Variants in TCF4 observed in about 807,000 individuals in gnomAD.
TCF4 encodes the protein transcription factor 4.
A neutral mutation model predicts 82.1 loss-of-function variants in TCF4; 3 were observed. The ratio of observed to expected loss-of-function variants is 0.04; its 90% CI spans 0.02 to 0.09. The LOEUF (loss-of-function observed/expected upper bound fraction) is 0.09, where lower values mean the gene tolerates loss of function less well. Ranked by LOEUF, TCF4 falls within the 10% of genes least tolerant of loss-of-function variation. TCF4 has a pLI of 1.00. For synonymous variants in TCF4, 276 were observed against 309.6 expected, an observed-to-expected ratio of 0.89 and a Z score of 1.14; for missense variants, 518 against 852.7, an observed-to-expected ratio of 0.61 and a Z score of 4.89.
At chr18:55,329,421 C>A (rs1254285044) in intron 8 of TCF4, among the ~76,000 whole-genome samples, 4 of 152,118 alleles carry the variant, frequency 2.6e-5, no homozygotes, top group Admixed American at 2.6e-4. Flanking sequence ...TATTAAAAGA[C>A]AACAACTTAG....
chr18:55,295,550 C>CTT (rs1031613468), intron 8 of TCF4, among the ~76,000 whole-genome samples: 4 of 152,152 alleles, frequency 2.6e-5, no homozygotes, highest in African/African-American at 9.7e-5. Context: ...TTCTCTGACT[C>CTT]TAAGTTTTCC....
intron 5 of TCF4, among the ~76,000 whole-genome samples, chr18:55,429,222 C>T (rs986788502): frequency 1.3e-5 from 2 of 152,176 alleles, no homozygotes; most frequent in East Asian, 3.9e-4. Flanking sequence ...TCTCTCTGGC[C>T]AGGGCCCTGG....
chr18:55,461,954 A>G (rs1427179937), intron 4 of TCF4, among the ~76,000 whole-genome samples: 1 of 152,162 alleles, frequency 6.6e-6, no homozygotes, highest in Non-Finnish European at 1.5e-5. Flanking sequence ...TCAGTCTACT[A>G]AAGTGCATAA....
intron 3 of TCF4, among the ~76,000 whole-genome samples, chr18:55,465,348 G>C (rs1168379954): frequency 6.6e-6 from 1 of 150,962 alleles, no homozygotes; most frequent in African/African-American, 2.4e-5. Context: ...TAGAGTACAT[G>C]GTGTTTCAGA....
chr18:55,490,885 G>A (rs1272316486), intron 3 of TCF4, among the ~76,000 whole-genome samples: 5 of 152,184 alleles, frequency 3.3e-5, no homozygotes, highest in Non-Finnish European at 5.9e-5. Flanking sequence ...GAAAAGGAAT[G>A]ACTGAGAATG....
chr18:55,603,364 G>A (rs1418044620), intron 2 of TCF4, among the ~76,000 whole-genome samples: 1 of 151,360 alleles, frequency 6.6e-6, no homozygotes, highest in Non-Finnish European at 1.5e-5. Flanking sequence ...TATCCATAAC[G>A]ATGAAGATTA....
intron 8 of TCF4, among the ~76,000 whole-genome samples, chr18:55,317,418 A>G (rs1471612903): frequency 5.9e-5 from 9 of 152,014 alleles, no homozygotes. Context: ...AGTATAAGAA[A>G]TATATTTTTA....
intron 15 of TCF4, among the ~76,000 whole-genome samples, chr18:55,246,691 A>T (rs1360249883): frequency 6.6e-6 from 1 of 151,962 alleles, no homozygotes; most frequent in African/African-American, 2.4e-5. Flanking sequence ...AATTTCTTCA[A>T]GTTCTTTTAC....
rs752176058 is a variant in TCF4, at chr18:55,254,556, C to A, written c.1291G>T (p.Gly431Cys). Residue 431 changes from glycine (G) to cysteine (C), a missense_variant, in exon 15 of 20, where the codon GGT (glycine) becomes TGT (cysteine). By Grantham distance (159) the Gly-to-Cys change is radical. This residue lies in a region of TCF4 where 144 missense variants were observed against 190.2 expected (regional missense o/e 0.76). Transcript: ENST00000354452. ...IIGPSHNGAM[G>C]GLGSGYGTGL... ...GTTCCATACCCTGAGCCCAGACCAC[C>A]CATGGCTCCATTATGAGAAGGTCCA... is the stretch of plus-strand genomic sequence containing the variant. 6 of 1,613,776 alleles carry A rather than the reference C, an allele frequency of 3.7e-6. No homozygotes were observed. Among genetic ancestry groups the A allele is most frequent in the Admixed American group, 3.3e-5 (2 of 59,974 alleles).
At chr18:55,352,373 A>G (rs1010580263) in intron 6 of TCF4, among the ~76,000 whole-genome samples, 3 of 152,158 alleles carry the variant, frequency 2.0e-5, no homozygotes, top group African/African-American at 7.2e-5. Context: ...GAACCTCTCT[A>G]TTCCAAGGGG....
At chr18:55,596,702 G>A (rs914559337) in intron 2 of TCF4, among the ~76,000 whole-genome samples, 5 of 152,018 alleles carry the variant, frequency 3.3e-5, no homozygotes, top group African/African-American at 9.7e-5. Flanking sequence ...TTTTGTTTTT[G>A]TTTGTTTGAA....
At position 55,380,061 on chromosome 18, in the gene TCF4, A is replaced by G. The variant is rs555660744; in HGVS notation, c.369+23393T>C. Among the ~76,000 whole-genome samples the G allele has an allele frequency of 2.0e-5, 3 of 152,086 alleles. No individual in the cohort carries two copies. The East Asian group carries it at 5.8e-4, about 30-fold the overall frequency. ...TGGCTAATTTTGTTTTCTTTTTTTCAGTAGAGACAGGGTTTCATCGTGTTG... is the reference window on the plus strand; with the variant it reads ...TGGCTAATTTTGTTTTCTTTTTTTCGGTAGAGACAGGGTTTCATCGTGTTG... On this transcript the variant is annotated intron_variant, in intron 6 of 19. Coordinates refer to ENST00000354452, the MANE Select transcript of TCF4 (RefSeq NM_001083962.2).
At chr18:55,423,013 A>T (rs1034492305) in intron 5 of TCF4, among the ~76,000 whole-genome samples, 1 of 151,710 alleles carries the variant, frequency 6.6e-6, no homozygotes, top group Non-Finnish European at 1.5e-5. Flanking sequence ...ACATGCTCAC[A>T]CACACACGCA....
chr18:55,377,073 C>A (rs566097934), intron 6 of TCF4, among the ~76,000 whole-genome samples: 1 of 152,316 alleles, frequency 6.6e-6, no homozygotes, highest in East Asian at 1.9e-4. Flanking sequence ...GCCTACCTAC[C>A]AGTTCTTCCC....
intron 6 of TCF4, among the ~76,000 whole-genome samples, chr18:55,376,737 T>C (rs958133605): frequency 1.3e-5 from 2 of 152,218 alleles, no homozygotes; most frequent in Non-Finnish European, 2.9e-5. Flanking sequence ...CCGGTTAACC[T>C]GTGTGGACAC....
intron 4 of TCF4, among the ~76,000 whole-genome samples, chr18:55,462,690 T>C (rs974629664): frequency 3.3e-5 from 5 of 152,110 alleles, no homozygotes; most frequent in African/African-American, 4.8e-5. Flanking sequence ...TCATAAGAAA[T>C]TGTGAAAATC....
chr18:55,322,425 GAAAAA>G (rs967879627), intron 8 of TCF4: 102 of 776,472 alleles, frequency 1.3e-4, no homozygotes, highest in Admixed American at 3.0e-4. Flanking sequence ...GGGGAGGGAA[GAAAAA>G]AAAAAAAAAA....
chr18:55,505,514 T>C (rs1381073860), intron 3 of TCF4, among the ~76,000 whole-genome samples: 1 of 151,762 alleles, frequency 6.6e-6, no homozygotes, highest in Non-Finnish European at 1.5e-5. Flanking sequence ...TGAGAAAAAA[T>C]AGCAACCGGG....
intron 3 of TCF4, among the ~76,000 whole-genome samples, chr18:55,545,908 A>G (rs2097202865): frequency 6.6e-6 from 1 of 152,172 alleles, no homozygotes; most frequent in South Asian, 2.1e-4. Context: ...AATTTCACTC[A>G]TAGGTTCTGG....
Sources: allele counts gnomAD v4.1 joint callset (sites outside exome capture counted in the v4.1 genomes callset), GRCh38; gene constraint gnomAD v4.1.1; regional missense constraint gnomAD v4.1.1; transcripts MANE v1.5; gene names NCBI Gene and HGNC (gene_info 2026-07-23, HGNC 2026-07-21).